The following RPS6KA6 variants were observed in gnomAD, a reference collection of about 807,000 sequenced individuals.
RPS6KA6 encodes ribosomal protein S6 kinase alpha-6.
RPS6KA6 carries 27 observed loss-of-function variants against 65.4 expected under a neutral mutation model. That is an observed-to-expected ratio of 0.41 (90% CI 0.30 to 0.57). RPS6KA6 has a LOEUF of 0.57. Among genes scored for constraint, RPS6KA6 ranks in the 20% least tolerant of loss-of-function variants. RPS6KA6 has a pLI of 0.24. For synonymous variants in RPS6KA6, 190 were observed against 184.2 expected (o/e 1.03, Z -0.26); for missense variants, 486 against 555.6 (o/e 0.87, Z 1.26).
intron 5 of RPS6KA6, among the ~76,000 whole-genome samples, chrX:84,146,406 CGATA>C (rs1569233321): frequency 9.0e-6 from 1 of 111,230 alleles, no homozygotes; most frequent in Admixed American, 9.6e-5. Context: ...GGTAGATAGA[CGATA>C]GATAAATAGA....
intron 20 of RPS6KA6, among the ~76,000 whole-genome samples, chrX:84,078,281 AT>A (rs1313066648): frequency 8.9e-6 from 1 of 112,125 alleles, no homozygotes; most frequent in African/African-American, 3.2e-5. Flanking sequence ...AAAATAGCTA[AT>A]TTTTTTAAAA....
chrX:84,097,389 G>A (rs1255178998), intron 19 of RPS6KA6, among the ~76,000 whole-genome samples: 1 of 108,539 alleles, frequency 9.2e-6, no homozygotes, highest in Non-Finnish European at 1.9e-5. Context: ...TAAATCTCTA[G>A]TGCCAGAATA....
At chrX:84,090,580 G>A (rs754593363) in intron 20 of RPS6KA6, among the ~76,000 whole-genome samples, 17 of 111,675 alleles carry the variant, frequency 1.5e-4, no homozygotes, top group Non-Finnish European at 2.8e-4. Flanking sequence ...TTACAATCAC[G>A]GTAGAAGGAG....
intron 20 of RPS6KA6, among the ~76,000 whole-genome samples, chrX:84,069,072 T>C (rs1044182612): frequency 8.9e-6 from 1 of 112,256 alleles, no homozygotes; most frequent in African/African-American, 3.2e-5. Context: ...AATTTAAGTT[T>C]CATATGGAAC....
intron 6 of RPS6KA6, among the ~76,000 whole-genome samples, chrX:84,141,159 A>T (rs2035095312): frequency 9.0e-6 from 1 of 111,471 alleles, no homozygotes; most frequent in Admixed American, 9.6e-5. Context: ...AGTAAAAATG[A>T]CTATGCAAGT....
chrX:84,177,348 A>G lies in RPS6KA6; in HGVS notation c.81+10471T>C, dbSNP rs1005528937. The stretch of plus-strand genomic sequence containing the variant: ...TTACTGAGTGCTTACAATGGAAAAG[A>G]CACTCTTCTAAGTGCTTTACATATA... On this transcript the variant is annotated intron_variant, in intron 1 of 21. Coordinates refer to ENST00000262752, the MANE Select transcript of RPS6KA6 (RefSeq NM_014496.5). Among the ~76,000 whole-genome samples, 9 of 111,784 alleles carry G rather than the reference A, an allele frequency of 8.1e-5. No homozygotes were observed. In the East Asian group the frequency reaches 2.0e-3, roughly 24 times the overall value.
At chrX:84,096,740 T>C (rs2034164707) in intron 19 of RPS6KA6, among the ~76,000 whole-genome samples, 1 of 111,501 alleles carries the variant, frequency 9.0e-6, no homozygotes, top group Non-Finnish European at 1.9e-5. Context: ...CATTTCATCA[T>C]TATCATCAGT....
At chrX:84,072,989 T>C (rs964954966) in intron 20 of RPS6KA6, among the ~76,000 whole-genome samples, 5 of 111,803 alleles carry the variant, frequency 4.5e-5, no homozygotes, top group Admixed American at 3.8e-4. Flanking sequence ...ATGCAATCTC[T>C]ATCAAGGTAT....
intron 9 of RPS6KA6, among the ~76,000 whole-genome samples, 189 bp from the exon 10 acceptor site, chrX:84,117,643 CTA>C (rs1426487931): frequency 3.6e-5 from 4 of 110,616 alleles, no homozygotes; most frequent in African/African-American, 1.3e-4. Context: ...CTCTCTCTCT[CTA>C]TATATATAGC....
chrX:84,164,174 A>G (rs2035561823), intron 2 of RPS6KA6, among the ~76,000 whole-genome samples, 154 bp downstream of exon 2: 1 of 112,234 alleles, frequency 8.9e-6, no homozygotes, highest in African/African-American at 3.2e-5. Context: ...AACCTGTCCT[A>G]TATTTTAAAC....
chrX:84,066,211 T>G (rs1481261089), intron 20 of RPS6KA6, among the ~76,000 whole-genome samples: 3 of 108,730 alleles, frequency 2.8e-5, no homozygotes, highest in South Asian at 4.1e-4. Flanking sequence ...CTGCAGTTTT[T>G]TTTTTTTTTT....
chrX:84,082,756 C>A (rs1373733654), intron 20 of RPS6KA6, among the ~76,000 whole-genome samples: 1 of 111,233 alleles, frequency 9.0e-6, no homozygotes, highest in Non-Finnish European at 1.9e-5. Flanking sequence ...GATATATAGG[C>A]CAACGAAACA....
At chrX:84,116,761 T>C (rs1263945219) in intron 11 of RPS6KA6, among the ~76,000 whole-genome samples, 1 of 109,448 alleles carries the variant, frequency 9.1e-6, no homozygotes, top group Non-Finnish European at 1.9e-5. Context: ...GGGGGCAAAA[T>C]ATCTATCTTC....
At chrX:84,164,538 A>C in intron 1 of RPS6KA6, 151 bp from the exon 2 acceptor site, 1 of 440,489 alleles carries the variant, frequency 2.3e-6, no homozygotes, top group South Asian at 4.0e-5. Context: ...AGAAGTACTT[A>C]GAAAAGGAAC....
At chrX:84,186,330 A>G (rs536644568) in intron 1 of RPS6KA6, among the ~76,000 whole-genome samples, 16 of 112,433 alleles carry the variant, frequency 1.4e-4, no homozygotes, top group Middle Eastern at 4.6e-3. Context: ...CTAAATGCCT[A>G]TAAGTTCAGT....
In RPS6KA6 at chrX:84,073,729, CT is replaced by C. The variant is rs1004406855; in HGVS notation, c.1972-8619del. Among the ~76,000 whole-genome samples, 282 of 106,239 alleles carry C rather than the reference CT, an allele frequency of 2.7e-3. 1 individual carries two copies. The highest frequency in any genetic ancestry group is 8.2e-3 in the African/African-American group (240 of 29,338). The allele number at this position is 106,239 out of a possible 115,157, so 92.3% of individuals were successfully genotyped here. A position where few individuals can be genotyped will look rare whatever the true frequency, so the allele number is the denominator to read the frequency against. On this transcript the variant is annotated intron_variant, in intron 20 of 21. Coordinates refer to ENST00000262752, the MANE Select transcript of RPS6KA6 (RefSeq NM_014496.5). ...AAAGTGGTCAAAAAATCTAAATAGACTTTTTTTTTTCAAAAGAATAAATACA... is the reference window on the plus strand; with the variant it reads ...AAAGTGGTCAAAAAATCTAAATAGACTTTTTTTTTCAAAAGAATAAATACA...
At chrX:84,167,349 A>G (rs993259383) in intron 1 of RPS6KA6, among the ~76,000 whole-genome samples, 8 of 112,245 alleles carry the variant, frequency 7.1e-5, no homozygotes, top group Non-Finnish European at 1.3e-4. Context: ...ACTACTTTTT[A>G]CTCATCAATA....
At chrX:84,106,633 A>T (rs1055129906) in intron 14 of RPS6KA6, 146 bp from the exon 15 acceptor site, 46 of 482,525 alleles carry the variant, frequency 9.5e-5, no homozygotes, top group Middle Eastern at 1.2e-3. Flanking sequence ...AAATGGCGTG[A>T]ACCAATCCTT....
In RPS6KA6 at chrX:84,059,105, GTTTCTTTTCTTTTT is replaced by G. The variant is rs2033256551; in HGVS notation, c.*5158_*5171del. Reference sequence around the variant, plus strand: ...TTAATGTGTAACTTTTTAAATGGCTGTTTCTTTTCTTTTTTTTTTTTTTTTTTTTTTTTTTTTTT... The same window carrying G: ...TTAATGTGTAACTTTTTAAATGGCTGTTTTTTTTTTTTTTTTTTTTTTTTT... On this transcript the variant is annotated 3_prime_UTR_variant, in exon 22 of 22. Transcript: ENST00000262752. 3.1e-5 allele frequency: 1 copy of G among 32,543 alleles called. No homozygotes were observed. The highest frequency in any genetic ancestry group is 6.5e-5 in the Non-Finnish European group (1 of 15,466). 2.7% of individuals were successfully genotyped at this position (32,543 alleles called of 1,213,427 possible). A position where few individuals can be genotyped will look rare whatever the true frequency, so the allele number is the denominator to read the frequency against.
Sources: gnomAD v4.1 joint callset for allele counts (sites outside exome capture counted in the v4.1 genomes callset) on GRCh38, gnomAD v4.1.1 for gene constraint, MANE v1.5 for transcripts, NCBI Gene and HGNC (gene_info 2026-07-23, HGNC 2026-07-21) for gene names.